Variants in DLEU7 observed in about 807,000 individuals in gnomAD.
DLEU7 encodes leukemia-associated protein 7.
In DLEU7, 17 loss-of-function variants were observed where a neutral mutation model predicts 16.0. The ratio of observed to expected loss-of-function variants is 1.06; its 90% CI spans 0.73 to 1.59. DLEU7 has a LOEUF of 1.59. Among genes scored for constraint, DLEU7 ranks in the 40% most tolerant of loss-of-function variants. DLEU7 has a pLI of 0.00. For missense variants in DLEU7, 308 were observed against 314.9 expected (o/e 0.98, Z 0.17); for synonymous variants, 113 against 139.8 (o/e 0.81, Z 1.35).
intron 1 of DLEU7, among the ~76,000 whole-genome samples, chr13:50,716,651 T>G (rs1198602738): frequency 1.3e-5 from 2 of 152,238 alleles, no homozygotes; most frequent in Non-Finnish European, 2.9e-5. Context: ...GTAACAACAA[T>G]GTCTCCCCTG....
intron 1 of DLEU7, among the ~76,000 whole-genome samples, chr13:50,748,228 C>CTTTTTTTTTTTTTT (rs71085044): frequency 2.8e-4 from 25 of 89,216 alleles, no homozygotes; most frequent in African/African-American, 3.4e-4. Context: ...ACTCCTTAAA[C>CTTTTTTTTTTTTTT]TTTTTTTTTT....
intron 1 of DLEU7, among the ~76,000 whole-genome samples, chr13:50,797,666 T>C (rs1426828882): frequency 6.6e-6 from 1 of 152,198 alleles, no homozygotes; most frequent in Non-Finnish European, 1.5e-5. Context: ...GTTTTCCTGC[T>C]TAGATCTTTA....
chr13:50,714,707 T>C (rs747474203), intron 1 of DLEU7, among the ~76,000 whole-genome samples: 5 of 152,162 alleles, frequency 3.3e-5, no homozygotes, highest in African/African-American at 4.8e-5. Context: ...CCTCCTCCCT[T>C]CTCATGTGTT....
chr13:50,838,126 A>G (rs1259768628), intron 1 of DLEU7, among the ~76,000 whole-genome samples: 2 of 152,204 alleles, frequency 1.3e-5, no homozygotes, highest in Non-Finnish European at 2.9e-5. Context: ...GAACAAGTCA[A>G]TATTCATACT....
chr13:50,775,722 A>G (rs1363324092), intron 1 of DLEU7, among the ~76,000 whole-genome samples: 1 of 152,250 alleles, frequency 6.6e-6, no homozygotes, highest in Non-Finnish European at 1.5e-5. Context: ...AATTTCACTC[A>G]GTAAGGGTCA....
intron 1 of DLEU7, among the ~76,000 whole-genome samples, chr13:50,791,331 G>A (rs569930004): frequency 2.0e-5 from 3 of 152,196 alleles, no homozygotes; most frequent in East Asian, 1.9e-4. Context: ...TCTCCCACCC[G>A]CTTCATGCCC....
intron 1 of DLEU7, chr13:50,715,579 G>A (rs1299349355): frequency 6.6e-6 from 1 of 152,306 alleles, no homozygotes; most frequent in African/African-American, 2.4e-5. Context: ...GCTATCAGCC[G>A]AGAATGGGGC....
chr13:50,714,347 C>T (rs762948772), intron 1 of DLEU7, among the ~76,000 whole-genome samples: 1 of 152,194 alleles, frequency 6.6e-6, no homozygotes, highest in Admixed American at 6.5e-5. Flanking sequence ...TCAACTCCTT[C>T]TCCTGTCACC....
chr13:50,837,698 C>T (rs1475751674), intron 1 of DLEU7, among the ~76,000 whole-genome samples: 2 of 152,140 alleles, frequency 1.3e-5, no homozygotes, highest in East Asian at 3.8e-4. Flanking sequence ...GCTGGCTTCA[C>T]TTGTTCAGAG....
At chr13:50,767,935 A>C (rs936702183) in intron 1 of DLEU7, among the ~76,000 whole-genome samples, 1 of 152,200 alleles carries the variant, frequency 6.6e-6, no homozygotes, top group Admixed American at 6.5e-5. Flanking sequence ...CAGCAGTCCC[A>C]CGGGACAAAC....
In DLEU7 at chr13:50,750,395, T is replaced by G. The variant is rs1389008524; in HGVS notation, c.460-37155A>C. ...ATGCCTCCAGATATGTTCCTTTTGC[T>G]TAGTCTTGCTTTGGCTATGCGGGCT... On this transcript the variant is annotated intron_variant, in intron 1 of 1. Coordinates refer to the DLEU7 transcript ENST00000400393. 2.0e-5 allele frequency among the ~76,000 whole-genome samples: 3 copies of G among 152,222 alleles called. 1 individual carries two copies. Among genetic ancestry groups the G allele is most frequent in the African/African-American group, 7.2e-5 (3 of 41,462 alleles).
At chr13:50,737,283 C>T (rs1874101206) in intron 1 of DLEU7, among the ~76,000 whole-genome samples, 1 of 152,074 alleles carries the variant, frequency 6.6e-6, no homozygotes, top group Admixed American at 6.6e-5. Flanking sequence ...TACATTATGA[C>T]CAAATGGAGT....
At chr13:50,772,945 C>T (rs1262765563) in intron 1 of DLEU7, among the ~76,000 whole-genome samples, 2 of 152,172 alleles carry the variant, frequency 1.3e-5, no homozygotes, top group Non-Finnish European at 1.5e-5. Context: ...TCCTATATTT[C>T]TTGGAGGCTT....
In DLEU7 at chr13:50,732,080, A is replaced by G. The variant is rs533810694; in HGVS notation, c.460-18840T>C. On this transcript the variant is annotated intron_variant, in intron 1 of 1. Coordinates refer to the DLEU7 transcript ENST00000400393. Reference sequence around the variant, plus strand: ...CATCTTGGCTGTCAGCAACTTTGCCATCACTGGAAACCCTTTCTGATTTTT... The same window carrying G: ...CATCTTGGCTGTCAGCAACTTTGCCGTCACTGGAAACCCTTTCTGATTTTT... Among the ~76,000 whole-genome samples the G allele has an allele frequency of 7.2e-5, 11 of 152,332 alleles. No individual in the cohort carries two copies. The South Asian group carries it at 2.3e-3, about 32-fold the overall frequency.
Position 50,755,023 on chromosome 13 carries a change from C to T in DLEU7, c.460-41783G>A, listed in dbSNP as rs567326269. ...AGGAGGCTGAAGATAGGGCCCCAAT[C>T]TCTTCTAGCTTGCAAGGTTTCTGTT... On this transcript the variant is annotated intron_variant, in intron 1 of 1. Transcript: ENST00000400393. Among the ~76,000 whole-genome samples the T allele has an allele frequency of 2.2e-3, 332 of 152,308 alleles. 4 individuals are homozygous for T. Among genetic ancestry groups the T allele is most frequent in the African/African-American group, 7.5e-3 (312 of 41,568 alleles).
chr13:50,730,166 G>A (rs181841308), intron 1 of DLEU7, among the ~76,000 whole-genome samples: 1 of 151,998 alleles, frequency 6.6e-6, no homozygotes, highest in East Asian at 1.9e-4. Context: ...AGGAGGCAGA[G>A]GAGGGGTTGG....
chr13:50,731,008 T>A (rs546049301), intron 1 of DLEU7, among the ~76,000 whole-genome samples: 26 of 152,280 alleles, frequency 1.7e-4, no homozygotes, highest in African/African-American at 6.0e-4. Context: ...AAATGGAAAG[T>A]ACCCCTGATT....
chr13:50,746,519 A>G (rs1273385629), intron 1 of DLEU7, among the ~76,000 whole-genome samples: 2 of 152,242 alleles, frequency 1.3e-5, no homozygotes, highest in African/African-American at 4.8e-5. Flanking sequence ...AATTGAATCA[A>G]TAAAATAAAG....
intron 1 of DLEU7, among the ~76,000 whole-genome samples, chr13:50,836,927 T>C (rs951564087): frequency 6.6e-6 from 1 of 152,124 alleles, no homozygotes; most frequent in African/African-American, 2.4e-5. Flanking sequence ...GTGGAAAACA[T>C]ACTATCATGA....
Sources: gnomAD v4.1 joint callset for allele counts (sites outside exome capture counted in the v4.1 genomes callset) on GRCh38, gnomAD v4.1.1 for gene constraint, MANE v1.5 for transcripts, NCBI Gene and HGNC (gene_info 2026-07-23, HGNC 2026-07-21) for gene names.